Variants in CAP1 observed in about 807,000 individuals in gnomAD.
The protein encoded by CAP1 is adenylyl cyclase-associated protein 1.
Under a neutral mutation model 58.2 loss-of-function variants are expected in CAP1, and 11 were observed. The ratio of observed to expected loss-of-function variants is 0.19; its 90% CI spans 0.12 to 0.31. The LOEUF (loss-of-function observed/expected upper bound fraction) is 0.31. Ranked by LOEUF, CAP1 falls within the 10% of genes least tolerant of loss-of-function variation. CAP1 has a pLI of 1.00. For synonymous variants in CAP1, 183 were observed against 213.8 expected (o/e 0.86, Z 1.26); for missense variants, 423 against 587.5 (o/e 0.72, Z 2.89).
At chr1:40,055,675 T>A (rs1479321586) in intron 1 of CAP1, among the ~76,000 whole-genome samples, 1 of 151,904 alleles carries the variant, frequency 6.6e-6, no homozygotes, top group Admixed American at 6.6e-5. Flanking sequence ...CTTGGAAAAA[T>A]TTTAAATTAT....
chr1:40,071,474 T>G lies in CAP1; in HGVS notation c.1369T>G (p.Phe457Val). ...DFNEFPVPEQ[F>V]KTLWNGQKLV... ...GAATGAATTCCCAGTTCCTGAGCAG[T>G]TCAAGACCCTATGGAACGGGCAGAA... Residue 457 changes from phenylalanine (F) to valine (V), a missense_variant, in exon 13 of 13, where the codon TTC becomes GTC. Phe to Val is a conservative substitution (Grantham distance 50, BLOSUM62 -1). Transcript: ENST00000372805. The G allele has an allele frequency of 1.2e-6, 2 of 1,613,610 alleles. No homozygotes were observed. Among genetic ancestry groups the G allele is most frequent in the Non-Finnish European group, 1.7e-6 (2 of 1,179,544 alleles).
In CAP1 at chr1:40,067,704, G is replaced by T; in HGVS notation, c.795G>T (p.Glu265Asp). ...SSLFAQINQG[E>D]SITHALKHVS... is the part of the protein sequence containing the mutation. Reference sequence around the variant, plus strand: ...TGTTCGCGCAGATTAATCAGGGGGAGAGCATTACACATGGTGAGTGAGCAC... The same window carrying T: ...TGTTCGCGCAGATTAATCAGGGGGATAGCATTACACATGGTGAGTGAGCAC... Residue 265 changes from glutamate to aspartate, a missense_variant, in exon 8 of 13, where the codon GAG becomes GAT. Transcript: ENST00000372805. 1 of 1,601,382 alleles carries T rather than the reference G, an allele frequency of 6.2e-7. No individual in the cohort carries two copies. The highest frequency in any genetic ancestry group is 8.5e-7 in the Non-Finnish European group (1 of 1,173,744).
intron 1 of CAP1, among the ~76,000 whole-genome samples, chr1:40,058,489 G>A (rs1646707522): frequency 6.6e-6 from 1 of 152,096 alleles, no homozygotes; most frequent in African/African-American, 2.4e-5. Context: ...ACTTTGGGAG[G>A]CCAAGGCGGG....
chr1:40,063,357 T>C (rs3131667), intron 4 of CAP1, among the ~76,000 whole-genome samples: 82,526 of 151,910 alleles, frequency 0.54, 24,135 homozygotes, highest in Non-Finnish European at 0.67. Flanking sequence ...TTTGTATTTT[T>C]ATAGAGATGG....
At chr1:40,068,196 A>G (rs1184136843) in intron 8 of CAP1, among the ~76,000 whole-genome samples, 1 of 152,248 alleles carries the variant, frequency 6.6e-6, no homozygotes, top group Non-Finnish European at 1.5e-5. Context: ...ATAGTAGCTA[A>G]AAATGGTGTA....
intron 11 of CAP1, 67 bp from the exon 12 acceptor site, chr1:40,070,764 GAAACC>G: frequency 7.2e-7 from 1 of 1,397,566 alleles, no homozygotes. Flanking sequence ...CGTGAAACAG[GAAACC>G]TTTTCCTGCG....
At chr1:40,050,372 GT>G (rs1646300012) in intron 1 of CAP1, among the ~76,000 whole-genome samples, 1 of 638 alleles carries the variant, frequency 1.6e-3, no homozygotes, top group South Asian at 0.038. Flanking sequence ...CCAATATTTG[GT>G]TAAACACCAA....
chr1:40,051,080 TC>T (rs1646344020), intron 1 of CAP1, among the ~76,000 whole-genome samples: 1 of 152,086 alleles, frequency 6.6e-6, no homozygotes, highest in African/African-American at 2.4e-5. Flanking sequence ...ATGCCTCACT[TC>T]CCTCCTGAAA....
intron 1 of CAP1, among the ~76,000 whole-genome samples, chr1:40,046,659 T>A (rs1646120057): frequency 1.3e-5 from 2 of 152,214 alleles, no homozygotes; most frequent in Non-Finnish European, 2.9e-5. Flanking sequence ...CAAATTTAGA[T>A]GATACTGCAC....
At chr1:40,062,243 C>T (rs555988398) in intron 4 of CAP1, among the ~76,000 whole-genome samples, 186 of 152,222 alleles carry the variant, frequency 1.2e-3, no homozygotes, top group Admixed American at 1.1e-3. Flanking sequence ...AATTTTACTC[C>T]CACCTCAAAA....
intron 1 of CAP1, among the ~76,000 whole-genome samples, chr1:40,052,323 C>G (rs1038890083): frequency 9.2e-5 from 14 of 152,148 alleles, no homozygotes; most frequent in African/African-American, 3.4e-4. Context: ...TTAGTATGTA[C>G]AGCTTGGGAC....
intron 3 of CAP1, 33 bp downstream of exon 3, chr1:40,060,203 A>G: frequency 6.6e-7 from 1 of 1,521,268 alleles, no homozygotes; most frequent in Non-Finnish European, 9.1e-7. Context: ...CCCTTCTTTT[A>G]AGGACTAACA....
chr1:40,052,387 G>T (rs1646416240), intron 1 of CAP1, among the ~76,000 whole-genome samples: 1 of 152,124 alleles, frequency 6.6e-6, no homozygotes, highest in South Asian at 2.1e-4. Flanking sequence ...GACCACCTGT[G>T]TTTCTGAAGC....
chr1:40,051,184 A>C (rs2124240104), intron 1 of CAP1, among the ~76,000 whole-genome samples: 1 of 152,346 alleles, frequency 6.6e-6, no homozygotes, highest in South Asian at 2.1e-4. Context: ...ACATTCTGTG[A>C]AGAAAAATCT....
intron 4 of CAP1, among the ~76,000 whole-genome samples, chr1:40,063,324 T>C (rs1646938417): frequency 6.6e-6 from 1 of 152,164 alleles, no homozygotes; most frequent in Non-Finnish European, 1.5e-5. Context: ...ACTACAGGCA[T>C]GCGCCACCAT....
chr1:40,070,089 T>G, intron 9 of CAP1, 70 bp from the exon 10 acceptor site: 1 of 1,600,200 alleles, frequency 6.2e-7, no homozygotes, highest in Non-Finnish European at 8.5e-7. Flanking sequence ...ACAAAAAGTT[T>G]GGGATAGCCT....
intron 1 of CAP1, among the ~76,000 whole-genome samples, chr1:40,043,173 G>A (rs1033996152): frequency 6.6e-6 from 1 of 152,146 alleles, no homozygotes; most frequent in African/African-American, 2.4e-5. Context: ...AAGGTTAGAT[G>A]TCGGCCAAGT....
chr1:40,052,128 T>C lies in CAP1; in HGVS notation c.-10-7209T>C, dbSNP rs138266825. On this transcript the variant is annotated intron_variant, in intron 1 of 12. Transcript: ENST00000372805. ...CAGTGCAGGAGGTAGAATGGATAAA[T>C]TCCCATCCTTCTTGAGCCTATATTC... Among the ~76,000 whole-genome samples the C allele has an allele frequency of 5.3e-5, 8 of 152,330 alleles. No individual in the cohort carries two copies. In the East Asian group the frequency reaches 1.3e-3, roughly 26 times the overall value.
Position 40,069,761 on chromosome 1 carries a change from C to G in CAP1, c.880C>G (p.Arg294Gly), listed in dbSNP as rs748537032. The change falls in exon 9 of 13, where the codon CGC becomes GGC. Residue 294 changes from arginine (R) to glycine (G), a missense_variant. Arg to Gly is a moderately radical substitution (Grantham distance 125). Coordinates refer to ENST00000372805, the MANE Select transcript of CAP1 (RefSeq NM_006367.4). ...PALKAQSGPV[R>G]SGPKPFSAPK... Reference sequence around the variant, plus strand: ...CCTGAAGGCTCAGAGTGGTCCAGTACGCAGTGGCCCCAAACCATTCTCTGC... The same window carrying G: ...CCTGAAGGCTCAGAGTGGTCCAGTAGGCAGTGGCCCCAAACCATTCTCTGC... 5.6e-6 allele frequency: 9 copies of G among 1,613,668 alleles called. No homozygotes were observed. The highest frequency in any genetic ancestry group is 7.6e-6 in the Non-Finnish European group (9 of 1,179,834).
Sources: gnomAD v4.1 joint callset for allele counts (sites outside exome capture counted in the v4.1 genomes callset) on GRCh38, gnomAD v4.1.1 for gene constraint, MANE v1.5 for transcripts, NCBI Gene and HGNC (gene_info 2026-07-23, HGNC 2026-07-21) for gene names.